The following PDE10A variants were observed in gnomAD, a reference collection of about 807,000 sequenced individuals.
The protein encoded by PDE10A is phosphodiesterase 10A, also known as cAMP and cAMP-inhibited cGMP 3',5'-cyclic phosphodiesterase 10A.
A neutral mutation model predicts 97.7 loss-of-function variants in PDE10A; 39 were observed. The observed-to-expected ratio is 0.40, with a 90% CI of 0.31 to 0.52. The LOEUF (loss-of-function observed/expected upper bound fraction) is 0.52. PDE10A is among the 20% of genes least tolerant of loss of function. The probability of loss-of-function intolerance (pLI) is 0.56; values close to 1 mark genes in which losing one functional copy is unlikely to be tolerated. For missense variants in PDE10A, 731 were observed against 1,047.8 expected (o/e 0.70, Z 4.17); for synonymous variants, 371 against 376.8 (o/e 0.98, Z 0.18).
chr6:165,587,828 G>C (rs1328377), intron 1 of PDE10A, among the ~76,000 whole-genome samples: 122,188 of 152,122 alleles, frequency 0.8, 51,804 homozygotes, highest in Non-Finnish European at 0.95. Flanking sequence ...AACCACAGAG[G>C]TTAAATGAGG....
chr6:165,737,854 AG>A (rs1792617460), intron 1 of PDE10A, among the ~76,000 whole-genome samples: 3 of 152,222 alleles, frequency 2.0e-5, no homozygotes, highest in African/African-American at 4.8e-5. Flanking sequence ...AACAGGAAGA[AG>A]TAAAATTGTC....
intron 1 of PDE10A, among the ~76,000 whole-genome samples, chr6:165,719,978 G>T (rs565746163): frequency 2.0e-5 from 3 of 152,202 alleles, no homozygotes; most frequent in Non-Finnish European, 2.9e-5. Flanking sequence ...GTCCACAAAG[G>T]TGTGTAAAAC....
intron 1 of PDE10A, among the ~76,000 whole-genome samples, chr6:165,684,304 C>T (rs1026368993): frequency 3.3e-5 from 5 of 152,226 alleles, no homozygotes; most frequent in African/African-American, 7.2e-5. Flanking sequence ...CATATGGACA[C>T]ACAATCAATA....
At chr6:165,499,978 T>C (rs936940165) in intron 2 of PDE10A, among the ~76,000 whole-genome samples, 2 of 152,158 alleles carry the variant, frequency 1.3e-5, no homozygotes, top group African/African-American at 4.8e-5. Context: ...AGTCTACAGG[T>C]AGCATCACAC....
chr6:165,335,187 G>A (rs1781575728), intron 21 of PDE10A, among the ~76,000 whole-genome samples: 1 of 152,198 alleles, frequency 6.6e-6, no homozygotes, highest in African/African-American at 2.4e-5. Flanking sequence ...GATAAGAATG[G>A]AATAGGGAGA....
At chr6:165,531,505 A>G (rs763264450) in intron 2 of PDE10A, among the ~76,000 whole-genome samples, 4 of 152,188 alleles carry the variant, frequency 2.6e-5, no homozygotes, top group Non-Finnish European at 4.4e-5. Context: ...GAGCATTCAT[A>G]AATGTAGACT....
At chr6:165,900,145 C>G (rs551472819) in intron 1 of PDE10A, among the ~76,000 whole-genome samples, 1 of 152,250 alleles carries the variant, frequency 6.6e-6, no homozygotes, top group Non-Finnish European at 1.5e-5. Context: ...CCTAGAGACA[C>G]GTGGAGGTCT....
chr6:165,752,216 G>A (rs992327635), intron 1 of PDE10A, among the ~76,000 whole-genome samples: 15 of 151,106 alleles, frequency 9.9e-5, no homozygotes, highest in Admixed American at 2.6e-4. Flanking sequence ...ATGTGGGTGC[G>A]CACTGTCTAT....
chr6:165,690,847 A>G (rs2128441500), intron 1 of PDE10A, among the ~76,000 whole-genome samples: 1 of 152,328 alleles, frequency 6.6e-6, no homozygotes, highest in East Asian at 1.9e-4. Context: ...CTGGGTAGGT[A>G]CATGAGGGTG....
At chr6:165,886,209 C>G (rs575878208) in intron 1 of PDE10A, among the ~76,000 whole-genome samples, 1 of 151,914 alleles carries the variant, frequency 6.6e-6, no homozygotes, top group African/African-American at 2.4e-5. Context: ...GCCCTGGAGC[C>G]CTGCAGCCCT....
intron 21 of PDE10A, among the ~76,000 whole-genome samples, chr6:165,334,767 A>T (rs1053156970): frequency 2.0e-5 from 3 of 152,200 alleles, no homozygotes; most frequent in Non-Finnish European, 2.9e-5. Context: ...GCTCAACAGA[A>T]CAAGGTGGGA....
At chr6:165,395,348 C>T in intron 14 of PDE10A, 84 bp from the exon 15 acceptor site, 1 of 934,860 alleles carries the variant, frequency 1.1e-6, no homozygotes, top group South Asian at 1.5e-5. Context: ...CTTGTTTGTA[C>T]CAAGGAGCTA....
At chr6:165,361,371 T>C (rs1002560768) in intron 18 of PDE10A, among the ~76,000 whole-genome samples, 1 of 152,194 alleles carries the variant, frequency 6.6e-6, no homozygotes, top group African/African-American at 2.4e-5. Flanking sequence ...TGACCACAAT[T>C]AAATCAATAA....
At chr6:165,476,723 A>T (rs567074188) in intron 3 of PDE10A, among the ~76,000 whole-genome samples, 48 of 152,338 alleles carry the variant, frequency 3.2e-4, no homozygotes, top group Admixed American at 8.5e-4. Flanking sequence ...AGCAAATGAG[A>T]CACTTATAAA....
chr6:165,354,662 G>C (rs1011287861), intron 18 of PDE10A, among the ~76,000 whole-genome samples: 2 of 152,182 alleles, frequency 1.3e-5, no homozygotes, highest in East Asian at 3.9e-4. Flanking sequence ...GCCACCTAGG[G>C]AACATGGGAA....
Position 165,844,956 on chromosome 6 carries a change from A to T in PDE10A, c.-615+142573T>A, listed in dbSNP as rs142338328. 7.2e-5 allele frequency among the ~76,000 whole-genome samples: 11 copies of T among 152,290 alleles called. No homozygotes were observed. The East Asian group carries it at 1.9e-3, about 27-fold the overall frequency. On this transcript the variant is annotated intron_variant, in intron 1 of 19. Transcript: ENST00000366882. ...AACCCTTGGACACACTTTTTGACAGACTGCTGTATATTCTCAGCTTTGTAT... is the reference window on the plus strand; with the variant it reads ...AACCCTTGGACACACTTTTTGACAGTCTGCTGTATATTCTCAGCTTTGTAT...
chr6:165,987,805 C>T (rs1369710534), exon 1 of PDE10A: 1 of 446,954 alleles, frequency 2.2e-6, no homozygotes, highest in Admixed American at 2.4e-5. Context: ...TCGCAAAAGG[C>T]GAGTGTGTGG....
At chr6:165,827,944 T>C (rs749992159) in intron 1 of PDE10A, among the ~76,000 whole-genome samples, 8 of 152,184 alleles carry the variant, frequency 5.3e-5, no homozygotes, top group Non-Finnish European at 8.8e-5. Flanking sequence ...CTTAGAATAG[T>C]GGTCTCCAAT....
At chr6:165,972,804 A>T (rs1021280497) in intron 1 of PDE10A, among the ~76,000 whole-genome samples, 6 of 152,326 alleles carry the variant, frequency 3.9e-5, no homozygotes, top group Middle Eastern at 3.4e-3. Context: ...GTTTATTGTG[A>T]CCAAGATACC....
Sources: gnomAD v4.1 joint callset for allele counts (sites outside exome capture counted in the v4.1 genomes callset) on GRCh38, gnomAD v4.1.1 for gene constraint, MANE v1.5 for transcripts, NCBI Gene and HGNC (gene_info 2026-07-23, HGNC 2026-07-21) for gene names.